ERBB4: variants seen among roughly 807,000 people sequenced by gnomAD.
The protein encoded by ERBB4 is receptor tyrosine-protein kinase erbB-4.
Under a neutral mutation model 158.0 loss-of-function variants are expected in ERBB4, and 42 were observed. The ratio of observed to expected loss-of-function variants is 0.27; its 90% CI spans 0.21 to 0.34. The LOEUF (loss-of-function observed/expected upper bound fraction) is 0.34. Ranked by LOEUF, ERBB4 falls within the 10% of genes least tolerant of loss-of-function variation. The pLI is 1.00. For missense variants in ERBB4, 1,333 were observed against 1,624.1 expected (o/e 0.82, Z 3.08); for synonymous variants, 583 against 558.7 (o/e 1.04, Z -0.61).
intron 1 of ERBB4, among the ~76,000 whole-genome samples, chr2:212,191,733 ATACATGTTACATATAACACG>A (rs2125712545): frequency 6.8e-6 from 1 of 146,486 alleles, no homozygotes; most frequent in East Asian, 2.0e-4. Context: ...AACACGTGTT[ATACATGTTACATATAACACG>A]TGTTATACAT....
At chr2:211,831,439 C>T (rs1305356103) in intron 3 of ERBB4, among the ~76,000 whole-genome samples, 2 of 152,114 alleles carry the variant, frequency 1.3e-5, no homozygotes, top group Admixed American at 6.6e-5. Context: ...CACTAATTTC[C>T]GTACTACAAA....
At chr2:211,599,195 G>C (rs1380224480) in intron 19 of ERBB4, among the ~76,000 whole-genome samples, 5 of 152,082 alleles carry the variant, frequency 3.3e-5, no homozygotes, top group African/African-American at 9.7e-5. Context: ...TTTAAGAAAA[G>C]TCTTTAAGCC....
intron 20 of ERBB4, among the ~76,000 whole-genome samples, chr2:211,442,439 C>T (rs1329588000): frequency 2.0e-5 from 3 of 152,036 alleles, no homozygotes; most frequent in African/African-American, 7.2e-5. Flanking sequence ...GAGCTAAACC[C>T]TGAGATTATC....
chr2:212,075,280 G>A (rs2078242194), intron 2 of ERBB4, among the ~76,000 whole-genome samples: 1 of 151,750 alleles, frequency 6.6e-6, no homozygotes, highest in Admixed American at 6.6e-5. Flanking sequence ...GTTTTAATTG[G>A]TATAGGATAT....
chr2:212,265,278 G>T (rs1325623734), intron 1 of ERBB4, among the ~76,000 whole-genome samples: 1 of 152,076 alleles, frequency 6.6e-6, no homozygotes, highest in Non-Finnish European at 1.5e-5. Context: ...GAGACTGATA[G>T]AGATAAACAA....
At chr2:212,343,438 G>A (rs367586297) in intron 1 of ERBB4, among the ~76,000 whole-genome samples, 1 of 152,126 alleles carries the variant, frequency 6.6e-6, no homozygotes, top group Non-Finnish European at 1.5e-5. Flanking sequence ...AATAACACAT[G>A]ATTTCCCTGT....
intron 3 of ERBB4, among the ~76,000 whole-genome samples, chr2:211,803,201 T>C (rs2076539021): frequency 1.3e-5 from 2 of 152,192 alleles, no homozygotes; most frequent in Admixed American, 1.3e-4. Context: ...AATCCAACAT[T>C]GCTTTTCAGA....
At chr2:212,216,996 T>C (rs931154111) in intron 1 of ERBB4, among the ~76,000 whole-genome samples, 5 of 151,428 alleles carry the variant, frequency 3.3e-5, no homozygotes, top group Non-Finnish European at 7.4e-5. Context: ...CACATGTATG[T>C]GTTAAGATTG....
At chr2:212,419,028 T>C (rs2091727501) in intron 1 of ERBB4, among the ~76,000 whole-genome samples, 1 of 151,892 alleles carries the variant, frequency 6.6e-6, no homozygotes, top group Admixed American at 6.6e-5. Flanking sequence ...AGCCATACCC[T>C]ATACTCTGCC....
chr2:211,623,194 G>T (rs1252730332), intron 18 of ERBB4, among the ~76,000 whole-genome samples: 2 of 150,814 alleles, frequency 1.3e-5, no homozygotes, highest in African/African-American at 4.9e-5. Context: ...AATTGGTCCT[G>T]TAATTAAGGC....
chr2:212,066,709 T>G (rs2077959101), intron 2 of ERBB4, among the ~76,000 whole-genome samples: 1 of 151,978 alleles, frequency 6.6e-6, no homozygotes, highest in African/African-American at 2.4e-5. Context: ...CCATGGCCAT[T>G]GGAATTCTTG....
intron 2 of ERBB4, among the ~76,000 whole-genome samples, chr2:211,956,244 C>A: frequency 6.6e-6 from 1 of 152,108 alleles, no homozygotes; most frequent in South Asian, 2.1e-4. Context: ...AAATTAGATA[C>A]AACGCATAAA....
chr2:211,420,960 A>C (rs2063502353), intron 24 of ERBB4, among the ~76,000 whole-genome samples: 1 of 152,030 alleles, frequency 6.6e-6, no homozygotes, highest in African/African-American at 2.4e-5. Flanking sequence ...AAGAATAAAC[A>C]ATAAAAGGTG....
rs568295723 is a variant in ERBB4 at position 211,584,851 on chromosome 2, T to A, written c.2302-22763A>T. On this transcript the variant is annotated intron_variant, in intron 19 of 27. Transcript: ENST00000342788. Reference sequence around the variant, plus strand: ...AAATCCAGTTATTTTGTTTTCTTCCTCCTAATGTAATATATACAGGGATCC... The same window carrying A: ...AAATCCAGTTATTTTGTTTTCTTCCACCTAATGTAATATATACAGGGATCC... 3.4e-4 allele frequency among the ~76,000 whole-genome samples: 52 copies of A among 151,870 alleles called. 1 individual carries two copies. The highest frequency in any genetic ancestry group is 1.3e-3 in the African/African-American group (52 of 41,536).
At chr2:211,731,067 G>T (rs2074413001) in intron 5 of ERBB4, among the ~76,000 whole-genome samples, 1 of 151,986 alleles carries the variant, frequency 6.6e-6, no homozygotes, top group Non-Finnish European at 1.5e-5. Flanking sequence ...GAAAATTTGG[G>T]AGGGAAATTA....
chr2:212,479,389 T>C (rs1194197935), intron 1 of ERBB4, among the ~76,000 whole-genome samples: 4 of 152,134 alleles, frequency 2.6e-5, no homozygotes, highest in East Asian at 3.9e-4. Context: ...AGGATACCAA[T>C]TAAACCATGC....
intron 7 of ERBB4, among the ~76,000 whole-genome samples, chr2:211,721,707 T>G (rs371346769): frequency 1.7e-4 from 26 of 150,614 alleles, no homozygotes; most frequent in African/African-American, 5.6e-4. Flanking sequence ...TAGTTATAAA[T>G]AAGGAATCAG....
chr2:211,611,264 G>T (rs977991157), intron 19 of ERBB4, among the ~76,000 whole-genome samples: 2 of 151,862 alleles, frequency 1.3e-5, no homozygotes, highest in African/African-American at 4.8e-5. Flanking sequence ...TTAACCAATC[G>T]GGCCCGCCAA....
rs929636313 is a variant in ERBB4, at chr2:212,196,414, C to A, written c.83-71511G>T. Reference sequence around the variant, plus strand: ...ATTGGTCTTGCCCTCTTAGGGATGGCAGAGGCAGAAGAAGGGGAGGAGGTG... The same window carrying A: ...ATTGGTCTTGCCCTCTTAGGGATGGAAGAGGCAGAAGAAGGGGAGGAGGTG... On this transcript the variant is annotated intron_variant, in intron 1 of 27. Transcript: ENST00000342788. Among the ~76,000 whole-genome samples, 4 of 151,854 alleles carry A rather than the reference C, an allele frequency of 2.6e-5. No individual in the cohort carries two copies. In the South Asian group the frequency reaches 8.3e-4, roughly 32 times the overall value.
Sources: allele counts gnomAD v4.1 joint callset (sites outside exome capture counted in the v4.1 genomes callset), GRCh38; gene constraint gnomAD v4.1.1; transcripts MANE v1.5; gene names NCBI Gene and HGNC (gene_info 2026-07-23, HGNC 2026-07-21).